The following MRNIP variants were observed in gnomAD, a reference collection of about 807,000 sequenced individuals.
MRNIP encodes MRN complex-interacting protein.
MRNIP carries 30 observed loss-of-function variants against 29.8 expected under a neutral mutation model. That is an observed-to-expected ratio of 1.01 (90% CI 0.75 to 1.36). The LOEUF (loss-of-function observed/expected upper bound fraction) is 1.36. Among genes scored for constraint, MRNIP ranks in the 40% most tolerant of loss-of-function variants. The pLI, the probability that MRNIP is intolerant of heterozygous loss-of-function variation, is 0.00. For missense variants in MRNIP, 459 were observed against 423.5 expected (o/e 1.08, Z -0.74); for synonymous variants, 201 against 164.1 (o/e 1.23, Z -1.72).
chr5:179,842,452 T>C (rs756282543), intron 4 of MRNIP, among the ~76,000 whole-genome samples: 10 of 137,660 alleles, frequency 7.3e-5, no homozygotes, highest in Non-Finnish European at 1.4e-4. Flanking sequence ...AGGCCGAGGC[T>C]GGCGGATCAC....
At chr5:179,853,132 C>T in intron 2 of MRNIP, 1 of 1,129,768 alleles carries the variant, frequency 8.9e-7, no homozygotes, top group Non-Finnish European at 1.3e-6. Flanking sequence ...CACTGTTCCC[C>T]TTGTGCTTGG....
At chr5:179,843,258 T>G (rs1474251075) in intron 4 of MRNIP, among the ~76,000 whole-genome samples, 1 of 152,036 alleles carries the variant, frequency 6.6e-6, no homozygotes, top group East Asian at 1.9e-4. Flanking sequence ...GGACCCTGTC[T>G]CAAAAATTAA....
chr5:179,856,138 C>T (rs1372793778), intron 1 of MRNIP, among the ~76,000 whole-genome samples: 1 of 151,738 alleles, frequency 6.6e-6, no homozygotes, highest in Non-Finnish European at 1.5e-5. Context: ...GAACTCCTGA[C>T]CTCATGATCT....
rs760062896 is a variant in MRNIP at position 179,844,127 on chromosome 5, T to C, written c.291+25A>G. The C allele has an allele frequency of 4.4e-6, 7 of 1,607,378 alleles. No individual in the cohort carries two copies. The East Asian group carries it at 1.1e-4, about 26-fold the overall frequency. On this transcript the variant is annotated intron_variant, in intron 4 of 6. Transcript: ENST00000292586. ...TCCCTTCCCTGACACAGAGCCAGCCTGGGGCAGGTGGGCCTGAGGCTTACC... is the reference window on the plus strand; with the variant it reads ...TCCCTTCCCTGACACAGAGCCAGCCCGGGGCAGGTGGGCCTGAGGCTTACC...
At chr5:179,858,028 G>C (rs79557899) in intron 1 of MRNIP, among the ~76,000 whole-genome samples, 3 of 43,866 alleles carry the variant, frequency 6.8e-5, no homozygotes, top group African/African-American at 2.2e-4. Context: ...AAAAAAAAAA[G>C]AAGAAGAAGT....
intron 2 of MRNIP, 91 bp from the exon 3 acceptor site, chr5:179,848,157 G>A (rs1561619839): frequency 1.1e-6 from 1 of 951,532 alleles, no homozygotes; most frequent in East Asian, 2.4e-5. Flanking sequence ...GGAGGACAAA[G>A]CTGTATTCTG....
chr5:179,855,599 A>G (rs1203679908), intron 1 of MRNIP, among the ~76,000 whole-genome samples: 5 of 152,258 alleles, frequency 3.3e-5, no homozygotes, highest in Admixed American at 2.6e-4. Context: ...TAAAGAGTCC[A>G]TTTATAACAG....
chr5:179,847,161 C>CTTTTTTTTTTTTT (rs34335237), intron 3 of MRNIP: 1 of 71,012 alleles, frequency 1.4e-5, no homozygotes, highest in Non-Finnish European at 2.7e-5. Context: ...GAGTTACTTA[C>CTTTTTTTTTTTTT]TTTTTTTTTT....
intron 3 of MRNIP, among the ~76,000 whole-genome samples, chr5:179,846,496 T>A (rs1759134794): frequency 6.6e-6 from 1 of 152,062 alleles, no homozygotes; most frequent in Admixed American, 6.6e-5. Context: ...TTGGCCAGGA[T>A]GGTCTCGATC....
chr5:179,852,395 C>T (rs1037700336), intron 2 of MRNIP, among the ~76,000 whole-genome samples: 5 of 152,034 alleles, frequency 3.3e-5, no homozygotes, highest in African/African-American at 7.2e-5. Context: ...AAAAGCTTCA[C>T]GGTAGAGTTG....
chr5:179,856,556 A>G (rs1005543235), intron 1 of MRNIP, among the ~76,000 whole-genome samples: 2 of 151,918 alleles, frequency 1.3e-5, no homozygotes. Flanking sequence ...TGCAACCTCT[A>G]CCTCCTGGAC....
intron 6 of MRNIP, chr5:179,840,175 A>T (rs1467196688): frequency 1.3e-5 from 2 of 152,346 alleles, no homozygotes; most frequent in East Asian, 3.9e-4. Context: ...CCTGACCTCA[A>T]GTGATCCACC....
intron 1 of MRNIP, among the ~76,000 whole-genome samples, chr5:179,853,937 C>T (rs1759480220): frequency 6.6e-6 from 1 of 151,686 alleles, no homozygotes; most frequent in Admixed American, 6.6e-5. Context: ...TTCTCAAACT[C>T]CTGACCTCAA....
chr5:179,844,140 C>A lies in MRNIP; in HGVS notation c.291+12G>T. 1 of 1,613,200 alleles carries A rather than the reference C, an allele frequency of 6.2e-7. No individual in the cohort carries two copies. Among genetic ancestry groups the A allele is most frequent in the Non-Finnish European group, 8.5e-7 (1 of 1,179,274 alleles). ...ACAGAGCCAGCCTGGGGCAGGTGGG[C>A]CTGAGGCTTACCTGCTGCTTCACAT... is the stretch of plus-strand genomic sequence containing the variant. On this transcript the variant is annotated intron_variant, in intron 4 of 6. Coordinates refer to ENST00000292586, the MANE Select transcript of MRNIP (RefSeq NM_016175.4).
At chr5:179,856,762 C>T (rs753283050) in intron 1 of MRNIP, among the ~76,000 whole-genome samples, 7 of 152,146 alleles carry the variant, frequency 4.6e-5, no homozygotes, top group South Asian at 2.1e-4. Flanking sequence ...CGTGAGCCAC[C>T]GGGGCCAAGC....
intron 1 of MRNIP, among the ~76,000 whole-genome samples, chr5:179,857,510 T>TA (rs1267888953): frequency 1.3e-5 from 2 of 152,058 alleles, no homozygotes; most frequent in African/African-American, 2.4e-5. Context: ...AATTTGTTTT[T>TA]AAAAAACAGC....
Position 179,837,289 on chromosome 5 carries a change from G to C in MRNIP, c.*102C>G. The C allele has an allele frequency of 1.2e-6, 2 of 1,607,428 alleles. No homozygotes were observed. On this transcript the variant is annotated 3_prime_UTR_variant, in exon 7 of 7. Transcript: ENST00000292586. ...CATAGAGAGAAATGATTGACAGTAA[G>C]TTTATTGTTAATGGTTCTTACAGAG...
rs116695880 is a variant in MRNIP, at chr5:179,858,485, A to G, written c.66+246T>C. Among the ~76,000 whole-genome samples, 1,066 of 152,314 alleles carry G rather than the reference A, an allele frequency of 7.0e-3. 14 individuals carry two copies. The highest frequency in any genetic ancestry group is 0.025 in the African/African-American group (1,041 of 41,568). On this transcript the variant is annotated intron_variant, in intron 1 of 6. Coordinates refer to ENST00000292586, the MANE Select transcript of MRNIP (RefSeq NM_016175.4). ...ATGCTATACTCAACCGGATTCTCCC[A>G]CTACCTGCTACAATTCACAAGAGGC...
At chr5:179,850,621 A>G (rs992787526) in intron 2 of MRNIP, among the ~76,000 whole-genome samples, 3 of 152,204 alleles carry the variant, frequency 2.0e-5, no homozygotes, top group African/African-American at 7.2e-5. Context: ...TAGGGAGTGC[A>G]GTCCTGTTTG....
Sources: allele counts gnomAD v4.1 joint callset (sites outside exome capture counted in the v4.1 genomes callset), GRCh38; gene constraint gnomAD v4.1.1; transcripts MANE v1.5; gene names NCBI Gene and HGNC (gene_info 2026-07-23, HGNC 2026-07-21).